Variants in CNTNAP2 observed in about 807,000 individuals in gnomAD.
The protein encoded by CNTNAP2 is contactin associated protein 2.
CNTNAP2 carries 98 observed loss-of-function variants against 155.2 expected under a neutral mutation model. The ratio of observed to expected loss-of-function variants is 0.63; its 90% CI spans 0.54 to 0.75. The LOEUF is 0.75. Among genes scored for constraint, CNTNAP2 ranks in the 30% least tolerant of loss-of-function variants. The pLI, the probability that CNTNAP2 is intolerant of heterozygous loss-of-function variation, is 0.00. For missense variants in CNTNAP2, 1,727 were observed against 1,688.1 expected (o/e 1.02, Z -0.40); for synonymous variants, 651 against 631.2 (o/e 1.03, Z -0.47).
intron 13 of CNTNAP2, among the ~76,000 whole-genome samples, chr7:147,891,450 G>A (rs867067013): frequency 7.2e-5 from 11 of 152,024 alleles, no homozygotes; most frequent in Middle Eastern, 3.4e-3. Flanking sequence ...TGATTTGCCC[G>A]CCTCAGCCTC....
intron 1 of CNTNAP2, among the ~76,000 whole-genome samples, chr7:146,385,948 T>G (rs912312237): frequency 2.0e-5 from 3 of 152,188 alleles, no homozygotes; most frequent in Non-Finnish European, 4.4e-5. Flanking sequence ...ATTTTTATTT[T>G]CATAAGCATA....
At chr7:147,914,335 G>T (rs573259983) in intron 14 of CNTNAP2, among the ~76,000 whole-genome samples, 31 of 152,176 alleles carry the variant, frequency 2.0e-4, no homozygotes, top group African/African-American at 2.4e-4. Context: ...GAGGTCAGGG[G>T]TTTGAGACTA....
chr7:147,780,890 A>G (rs1442783171), intron 13 of CNTNAP2, among the ~76,000 whole-genome samples: 1 of 152,218 alleles, frequency 6.6e-6, no homozygotes, highest in Non-Finnish European at 1.5e-5. Flanking sequence ...ATTTGCATGT[A>G]TAATTTTCCA....
At chr7:148,199,821 A>G (rs916140218) in intron 18 of CNTNAP2, among the ~76,000 whole-genome samples, 3 of 152,218 alleles carry the variant, frequency 2.0e-5, no homozygotes, top group Non-Finnish European at 2.9e-5. Context: ...GTTATTATAG[A>G]GGCCAAGAAG....
intron 21 of CNTNAP2, among the ~76,000 whole-genome samples, chr7:148,364,047 G>A (rs750995178): frequency 6.6e-6 from 1 of 152,228 alleles, no homozygotes; most frequent in Non-Finnish European, 1.5e-5. Context: ...GCCTTCCCAT[G>A]GGGCAGGGCT....
chr7:146,293,897 TC>T lies in CNTNAP2; in HGVS notation c.97+176925del, dbSNP rs1238934018. Among the ~76,000 whole-genome samples the T allele has an allele frequency of 2.6e-5, 4 of 152,192 alleles. No homozygotes were observed. In the South Asian group the frequency reaches 6.2e-4, roughly 24 times the overall value. ...TGGTTCTTTTTTTAATAAAGCCTTT[TC>T]TCTACTCATTTAAAAAAGTGGAGTT... On this transcript the variant is annotated intron_variant, in intron 1 of 23. Transcript: ENST00000361727.
intron 16 of CNTNAP2, among the ~76,000 whole-genome samples, chr7:148,120,753 G>A (rs957547691): frequency 3.3e-5 from 5 of 151,972 alleles, no homozygotes; most frequent in Admixed American, 6.6e-5. Flanking sequence ...ACCCAGATTC[G>A]AGCCTCTAAT....
At chr7:148,292,998 T>C (rs1041117032) in intron 21 of CNTNAP2, among the ~76,000 whole-genome samples, 3 of 151,862 alleles carry the variant, frequency 2.0e-5, no homozygotes, top group African/African-American at 7.3e-5. Context: ...TTTTTCCCAG[T>C]GTTAAATTAT....
At chr7:147,252,349 A>T (rs1396122219) in intron 8 of CNTNAP2, among the ~76,000 whole-genome samples, 1 of 152,186 alleles carries the variant, frequency 6.6e-6, no homozygotes, top group Admixed American at 6.5e-5. Flanking sequence ...GTGTTTTATT[A>T]GGAATTCTAA....
At chr7:147,150,088 A>T (rs921481366) in intron 8 of CNTNAP2, among the ~76,000 whole-genome samples, 3 of 152,202 alleles carry the variant, frequency 2.0e-5, no homozygotes, top group African/African-American at 7.2e-5. Context: ...GATGTCTGCT[A>T]CCTATTTAGG....
At chr7:146,904,369 G>A (rs114966856) in intron 3 of CNTNAP2, among the ~76,000 whole-genome samples, 281 of 152,274 alleles carry the variant, frequency 1.8e-3, no homozygotes, top group African/African-American at 6.0e-3. Flanking sequence ...ATCTCGCCAC[G>A]AAATGTGGCA....
At chr7:147,778,544 A>C (rs547140910) in intron 13 of CNTNAP2, among the ~76,000 whole-genome samples, 2 of 152,352 alleles carry the variant, frequency 1.3e-5, no homozygotes, top group African/African-American at 4.8e-5. Flanking sequence ...TAGCCCACTG[A>C]TTGATAAGCC....
intron 13 of CNTNAP2, among the ~76,000 whole-genome samples, chr7:147,693,731 GT>G (rs920125327): frequency 1.3e-5 from 2 of 151,648 alleles, no homozygotes; most frequent in African/African-American, 4.8e-5. Flanking sequence ...TAGTTTTTTT[GT>G]TGTTGTTGTT....
chr7:146,573,373 C>T (rs1798472743), intron 1 of CNTNAP2, among the ~76,000 whole-genome samples: 1 of 152,092 alleles, frequency 6.6e-6, no homozygotes. Flanking sequence ...GATCTCCTGA[C>T]CTCGTGATCT....
chr7:146,541,112 C>T (rs1797946816), intron 1 of CNTNAP2, among the ~76,000 whole-genome samples: 2 of 152,024 alleles, frequency 1.3e-5, no homozygotes, highest in South Asian at 2.1e-4. Flanking sequence ...TCACCTCTGC[C>T]TCCACCTGCT....
At position 146,839,811 on chromosome 7, in the gene CNTNAP2, G is replaced by A; in HGVS notation, c.309G>A (p.Arg103=). The A allele has an allele frequency of 6.2e-7, 1 of 1,614,170 alleles. No homozygotes were observed. Among genetic ancestry groups the A allele is most frequent in the Middle Eastern group, 1.6e-4 (1 of 6,062 alleles). Residue 103 remains arginine (R), a synonymous_variant, in exon 3 of 24, where the codon AGG becomes AGA. Transcript: ENST00000361727. ...TCAGTGCCATTGCAACCCAAGGAAG[G>A]TATAGCAGCTCAGATTGGGTGACCC... ...KQISAIATQG[R]YSSSDWVTQY...
In CNTNAP2 at chr7:147,563,859, T is replaced by C. The variant is rs376986597; in HGVS notation, c.1897+1602T>C. On this transcript the variant is annotated intron_variant, in intron 12 of 23. Transcript: ENST00000361727. ...ATTGTAAAACTAGAACTGAAAACCATGAATGGTACTCTAGGCAAGCAGACA... is the reference window on the plus strand; with the variant it reads ...ATTGTAAAACTAGAACTGAAAACCACGAATGGTACTCTAGGCAAGCAGACA... Among the ~76,000 whole-genome samples, 11 of 152,164 alleles carry C rather than the reference T, an allele frequency of 7.2e-5. No homozygotes were observed. In the East Asian group the frequency reaches 2.1e-3, roughly 29 times the overall value.
intron 3 of CNTNAP2, among the ~76,000 whole-genome samples, chr7:146,999,243 CAAAA>C (rs3081713): frequency 5.3e-5 from 7 of 131,556 alleles, no homozygotes; most frequent in Admixed American, 5.1e-4. Flanking sequence ...AGTTTGATTG[CAAAA>C]AAAAAAAAAA....
intron 1 of CNTNAP2, among the ~76,000 whole-genome samples, chr7:146,562,301 A>T (rs186392745): frequency 0.023 from 3,460 of 152,092 alleles, 50 homozygotes; most frequent in Middle Eastern, 0.048. Context: ...TTATATTTTT[A>T]AAAAAATTTC....
Sources: allele counts gnomAD v4.1 joint callset (sites outside exome capture counted in the v4.1 genomes callset), GRCh38; gene constraint gnomAD v4.1.1; transcripts MANE v1.5; gene names NCBI Gene and HGNC (gene_info 2026-07-23, HGNC 2026-07-21).